The following OSBPL6 variants were observed in gnomAD, a reference collection of about 807,000 sequenced individuals.
The protein encoded by OSBPL6 is oxysterol binding protein like 6, also known as oxysterol-binding protein-related protein 6.
In OSBPL6, 49 loss-of-function variants were observed where a neutral mutation model predicts 125.8. That is an observed-to-expected ratio of 0.39 (90% confidence interval 0.31 to 0.49). The LOEUF (loss-of-function observed/expected upper bound fraction) is 0.49, where lower values mean the gene tolerates loss of function less well. Among genes scored for constraint, OSBPL6 ranks in the 20% least tolerant of loss-of-function variants. The probability of loss-of-function intolerance (pLI) is 0.88; values close to 1 mark genes in which losing one functional copy is unlikely to be tolerated. For synonymous variants in OSBPL6, 394 were observed against 391.8 expected (o/e 1.01, Z -0.07); for missense variants, 986 against 1,135.4 (o/e 0.87, Z 1.89).
At chr2:178,340,426 C>T (rs536331127) in intron 11 of OSBPL6, among the ~76,000 whole-genome samples, 1 of 152,118 alleles carries the variant, frequency 6.6e-6, no homozygotes, top group Admixed American at 6.5e-5. Flanking sequence ...TTCTTAATAG[C>T]TTGTAATAAA....
intron 2 of OSBPL6, among the ~76,000 whole-genome samples, chr2:178,305,403 A>C (rs889984092): frequency 3.9e-5 from 6 of 152,224 alleles, no homozygotes; most frequent in Admixed American, 2.0e-4. Flanking sequence ...GCTGTGCATA[A>C]GTGAAGGAAC....
At chr2:178,261,416 GA>G (rs780406987) in intron 1 of OSBPL6, among the ~76,000 whole-genome samples, 1 of 146,942 alleles carries the variant, frequency 6.8e-6, no homozygotes, top group African/African-American at 2.5e-5. Context: ...AAACAAGGAA[GA>G]AAAACGTAAG....
chr2:178,387,919 G>A (rs1011648577), intron 20 of OSBPL6, among the ~76,000 whole-genome samples: 1 of 151,974 alleles, frequency 6.6e-6, no homozygotes, highest in East Asian at 1.9e-4. Context: ...CAGGAGAATT[G>A]TTTGAACCTG....
intron 9 of OSBPL6, among the ~76,000 whole-genome samples, chr2:178,337,836 A>G (rs954823786): frequency 5.3e-5 from 8 of 152,230 alleles, no homozygotes; most frequent in Non-Finnish European, 1.0e-4. Context: ...CACCATTTAT[A>G]TAGAACAATC....
chr2:178,210,636 C>A (rs1400833185), intron 1 of OSBPL6, among the ~76,000 whole-genome samples: 1 of 151,886 alleles, frequency 6.6e-6, no homozygotes, highest in African/African-American at 2.4e-5. Context: ...CATGGTGAAA[C>A]CCCGCTTCTA....
chr2:178,308,863 CCTCA>C (rs751431666), intron 3 of OSBPL6, among the ~76,000 whole-genome samples: 8 of 152,132 alleles, frequency 5.3e-5, no homozygotes, highest in Non-Finnish European at 1.2e-4. Flanking sequence ...AGTGCGCTTG[CCTCA>C]CTATCTCACT....
At chr2:178,213,157 C>G (rs1054886985) in intron 1 of OSBPL6, among the ~76,000 whole-genome samples, 2 of 152,102 alleles carry the variant, frequency 1.3e-5, no homozygotes, top group Non-Finnish European at 2.9e-5. Context: ...GGAAGCTCTT[C>G]TTCCACCCAC....
intron 2 of OSBPL6, among the ~76,000 whole-genome samples, chr2:178,304,830 T>A (rs957352496): frequency 7.2e-5 from 11 of 152,158 alleles, no homozygotes; most frequent in Non-Finnish European, 1.3e-4. Flanking sequence ...TGGCTACCAC[T>A]CATCTGTTGA....
intron 1 of OSBPL6, among the ~76,000 whole-genome samples, chr2:178,239,037 T>G (rs759729764): frequency 6.6e-6 from 1 of 152,180 alleles, no homozygotes; most frequent in Non-Finnish European, 1.5e-5. Flanking sequence ...TTAAAAAATA[T>G]ATTTCAACAT....
At chr2:178,277,547 G>T (rs1338179898) in intron 1 of OSBPL6, among the ~76,000 whole-genome samples, 1 of 152,178 alleles carries the variant, frequency 6.6e-6, no homozygotes, top group Non-Finnish European at 1.5e-5. Context: ...TTGGCTAAAT[G>T]GTAGAACTGT....
intron 1 of OSBPL6, among the ~76,000 whole-genome samples, chr2:178,234,539 A>G (rs552225114): frequency 3.9e-5 from 6 of 152,342 alleles, no homozygotes; most frequent in South Asian, 2.1e-4. Context: ...CAAAGGTAAC[A>G]TCTTACAAAA....
Position 178,392,556 on chromosome 2 carries a change from A to G in OSBPL6, c.2573+18A>G, listed in dbSNP as rs1695497492. Reference sequence around the variant, plus strand: ...GATCAAAGGTGAGGATGGCAGTGGTATTTAATATGCAGACTATGGCTGGGT... The same window carrying G: ...GATCAAAGGTGAGGATGGCAGTGGTGTTTAATATGCAGACTATGGCTGGGT... On this transcript the variant is annotated intron_variant, in intron 23 of 24. Coordinates refer to ENST00000190611, the MANE Select transcript of OSBPL6 (RefSeq NM_032523.4). 6.2e-7 allele frequency: 1 copy of G among 1,613,116 alleles called. No homozygotes were observed. The highest frequency in any genetic ancestry group is 1.3e-5 in the African/African-American group (1 of 74,908).
chr2:178,379,237 A>G (rs1324687779), intron 15 of OSBPL6, among the ~76,000 whole-genome samples: 1 of 149,480 alleles, frequency 6.7e-6, no homozygotes, highest in Non-Finnish European at 1.5e-5. Context: ...AGAAGAAAGA[A>G]AGAGAGAGAG....
intron 16 of OSBPL6, chr2:178,382,810 A>G (rs1452278997): frequency 6.4e-6 from 9 of 1,401,854 alleles, no homozygotes; most frequent in Non-Finnish European, 7.5e-6. Context: ...ATGATATTTG[A>G]GTGTATCTAA....
At chr2:178,235,362 TTTTCCTTTTTCTTTC>T (rs1227099781) in intron 1 of OSBPL6, among the ~76,000 whole-genome samples, 3 of 151,096 alleles carry the variant, frequency 2.0e-5, no homozygotes, top group South Asian at 2.1e-4. Flanking sequence ...TTTCTTTTTT[TTTTCCTTTTTCTTTC>T]TTTCCTTTTT....
At chr2:178,256,366 C>T (rs190941880) in intron 1 of OSBPL6, among the ~76,000 whole-genome samples, 47 of 152,286 alleles carry the variant, frequency 3.1e-4, no homozygotes, top group East Asian at 2.5e-3. Flanking sequence ...TGATTTATCT[C>T]GAAGGGGCCA....
At chr2:178,379,279 GAAAGAA>G (rs1694192384) in intron 15 of OSBPL6, among the ~76,000 whole-genome samples, 1 of 126,842 alleles carries the variant, frequency 7.9e-6, no homozygotes, top group East Asian at 2.6e-4. Flanking sequence ...GAGAAAGAAA[GAAAGAA>G]AAGAAAGAAA....
intron 1 of OSBPL6, among the ~76,000 whole-genome samples, chr2:178,258,988 C>A (rs1025619505): frequency 6.6e-6 from 1 of 152,166 alleles, no homozygotes; most frequent in Non-Finnish European, 1.5e-5. Context: ...TGAGAAAACC[C>A]AAGCTCTGGC....
intron 15 of OSBPL6, among the ~76,000 whole-genome samples, chr2:178,379,472 AAAG>A (rs1304101092): frequency 2.0e-4 from 30 of 152,000 alleles, no homozygotes; most frequent in Middle Eastern, 6.8e-3. Flanking sequence ...AAGGAGAAAA[AAAG>A]AAACAGAAAA....
Sources: gnomAD v4.1 joint callset for allele counts (sites outside exome capture counted in the v4.1 genomes callset) on GRCh38, gnomAD v4.1.1 for gene constraint, MANE v1.5 for transcripts, NCBI Gene and HGNC (gene_info 2026-07-23, HGNC 2026-07-21) for gene names.